Variants in CDC7 observed in about 807,000 individuals in gnomAD.
CDC7 encodes the protein cell division cycle 7-related protein kinase.
In CDC7, 34 loss-of-function variants were observed where a neutral mutation model predicts 53.5. That is an observed-to-expected ratio of 0.64 (90% CI 0.48 to 0.85). The LOEUF is 0.85. Among genes scored for constraint, CDC7 ranks in the 40% least tolerant of loss-of-function variants. The pLI is 0.00. For missense variants in CDC7, 594 were observed against 679.7 expected, an observed-to-expected ratio of 0.87 and a Z score of 1.40; for synonymous variants, 211 against 222.8, an observed-to-expected ratio of 0.95 and a Z score of 0.47.
intron 2 of CDC7, among the ~76,000 whole-genome samples, chr1:91,505,898 C>T (rs1571314124): frequency 6.6e-6 from 1 of 152,102 alleles, no homozygotes; most frequent in African/African-American, 2.4e-5. Flanking sequence ...GTTTCTCCTC[C>T]CTTTCACATC....
chr1:91,522,493 G>A (rs1449292894), intron 11 of CDC7, among the ~76,000 whole-genome samples: 1 of 152,090 alleles, frequency 6.6e-6, no homozygotes, highest in African/African-American at 2.4e-5. Flanking sequence ...ATAGTAGTCT[G>A]TAATAAAATA....
At chr1:91,512,402 A>T (rs1373281022) in intron 6 of CDC7, among the ~76,000 whole-genome samples, 1 of 151,916 alleles carries the variant, frequency 6.6e-6, no homozygotes, top group Non-Finnish European at 1.5e-5. Flanking sequence ...ACAGACTTAG[A>T]GTCTAATAAT....
In CDC7 at chr1:91,508,383, C is replaced by G; in HGVS notation, c.321C>G (p.Cys107Trp). ...TAAGAATTGCAGCTGAACTTCAGTGCCTAACAGTGGCTGGGTAGGCAATTT... is the reference window on the plus strand; with the variant it reads ...TAAGAATTGCAGCTGAACTTCAGTGGCTAACAGTGGCTGGGTAGGCAATTT... Reference protein sequence around the residue: ...HPIRIAAELQCLTVAGGQDNV... With the variant: ...HPIRIAAELQWLTVAGGQDNV... The change falls in exon 4 of 12, where the codon TGC (cysteine) becomes TGG (tryptophan). Residue 107 changes from cysteine to tryptophan, a missense_variant. Cys to Trp is a radical substitution (Grantham distance 215). Transcript: ENST00000234626. The G allele has an allele frequency of 6.2e-7, 1 of 1,609,978 alleles. No individual in the cohort carries two copies. The highest frequency in any genetic ancestry group is 8.5e-7 in the Non-Finnish European group (1 of 1,178,260).
intron 1 of CDC7, chr1:91,501,221 G>C (rs1021683861): frequency 6.5e-6 from 1 of 154,046 alleles, no homozygotes; most frequent in African/African-American, 2.4e-5. Flanking sequence ...CCCAGTACTC[G>C]TGGCCAGGGT....
At chr1:91,507,773 T>G (rs1178463983) in intron 2 of CDC7, 81 bp from the exon 3 acceptor site, 1 of 931,250 alleles carries the variant, frequency 1.1e-6, no homozygotes, top group Non-Finnish European at 1.6e-6. Flanking sequence ...TATAATTTAT[T>G]TCATTGAGCT....
At position 91,508,261 on chromosome 1, in the gene CDC7, G is replaced by T; in HGVS notation, c.200-1G>T. ...GAAAAATTTAATAAATTGTTTTACA[G>T]GCACTTTCAGCTCTGTTTATTTGGC... is the stretch of plus-strand genomic sequence containing the variant. On this transcript the variant is annotated splice_acceptor_variant, in intron 3 of 11. Coordinates refer to ENST00000234626, the MANE Select transcript of CDC7 (RefSeq NM_003503.4). LOFTEE classifies it high-confidence loss of function. 6.3e-7 allele frequency: 1 copy of T among 1,580,664 alleles called. No individual in the cohort carries two copies.
chr1:91,503,144 A>G (rs1571310314), intron 2 of CDC7, among the ~76,000 whole-genome samples: 1 of 152,336 alleles, frequency 6.6e-6, no homozygotes, highest in East Asian at 1.9e-4. Context: ...CATCATGTTT[A>G]GGAGAATGCC....
intron 10 of CDC7, among the ~76,000 whole-genome samples, chr1:91,519,522 T>C (rs1323900482): frequency 1.3e-5 from 2 of 152,168 alleles, no homozygotes; most frequent in Non-Finnish European, 2.9e-5. Context: ...AGGATGTGAT[T>C]ATTACACACT....
chr1:91,511,112 A>G (rs1667265046), intron 4 of CDC7, among the ~76,000 whole-genome samples: 1 of 152,004 alleles, frequency 6.6e-6, no homozygotes, highest in Non-Finnish European at 1.5e-5. Context: ...ATTTTTTGGT[A>G]TCTCTATTGT....
chr1:91,507,159 G>GGCTA, intron 2 of CDC7, among the ~76,000 whole-genome samples: 1 of 152,140 alleles, frequency 6.6e-6, no homozygotes, highest in South Asian at 2.1e-4. Context: ...TGCTATATAG[G>GGCTA]GCTAGTAGAG....
chr1:91,519,089 A>G (rs2102393493), intron 10 of CDC7, among the ~76,000 whole-genome samples: 1 of 150,934 alleles, frequency 6.6e-6, no homozygotes, highest in African/African-American at 2.4e-5. Context: ...ATGAATTAAG[A>G]CCTAGTATTT....
intron 4 of CDC7, 151 bp downstream of exon 4, chr1:91,508,548 G>A (rs1667109223): frequency 1.8e-6 from 1 of 566,102 alleles, no homozygotes; most frequent in South Asian, 2.9e-5. Flanking sequence ...TTCTAACCTT[G>A]CAATAGTTAG....
At chr1:91,501,546 G>C (rs1406108708) in intron 1 of CDC7, 108 bp from the exon 2 acceptor site, 1 of 636,804 alleles carries the variant, frequency 1.6e-6, no homozygotes, top group Non-Finnish European at 2.8e-6. Flanking sequence ...TGGAGGTTTG[G>C]ACACATCGTG....
chr1:91,516,184 C>T (rs568107077), intron 10 of CDC7, among the ~76,000 whole-genome samples: 13 of 151,822 alleles, frequency 8.6e-5, no homozygotes, highest in African/African-American at 3.1e-4. Flanking sequence ...TGGAATTTTG[C>T]TGACATCACC....
chr1:91,511,817 G>T lies in CDC7; in HGVS notation c.466G>T (p.Glu156Ter), dbSNP rs1302686335. Residue 156 changes from glutamate (E) to a stop codon, truncating the protein, a stop_gained, in exon 6 of 12, where the codon GAA becomes TAA. Transcript: ENST00000234626. LOFTEE classifies it high-confidence loss of function. ...TTCTCTTTCCTTTCAAGAAGTACGGGAATATATGCTTAATCTGTTCAAAGC... is the reference window on the plus strand; with the variant it reads ...TTCTCTTTCCTTTCAAGAAGTACGGTAATATATGCTTAATCTGTTCAAAGC... ...LNSLSFQEVR[E>*]YMLNLFKALK... is the part of the protein sequence containing the mutation. 6.2e-7 allele frequency: 1 copy of T among 1,606,988 alleles called. No individual in the cohort carries two copies. Among genetic ancestry groups the T allele is most frequent in the South Asian group, 1.1e-5 (1 of 90,468 alleles).
chr1:91,513,109 A>G lies in CDC7; in HGVS notation c.624A>G (p.Ile208Met), dbSNP rs34979509. ...CCCAAGGAACCCATGATACGAAAAT[A>G]GAGCTTCTTAAATTTGTCCAGTCTG... ...GLAQGTHDTK[I>M]ELLKFVQSEA... The change falls in exon 7 of 12, where the codon ATA becomes ATG. Residue 208 changes from isoleucine to methionine, a missense_variant. Coordinates refer to ENST00000234626, the MANE Select transcript of CDC7 (RefSeq NM_003503.4). 5,091 of 1,613,452 alleles carry G rather than the reference A, an allele frequency of 3.2e-3. 12 individuals carry two copies. The highest frequency in any genetic ancestry group is 3.7e-3 in the Non-Finnish European group (4,366 of 1,179,488).
At chr1:91,501,620 G>T in intron 1 of CDC7, 34 bp from the exon 2 acceptor site, 1 of 866,764 alleles carries the variant, frequency 1.2e-6, no homozygotes, top group Non-Finnish European at 1.9e-6. Flanking sequence ...TTTAGCGAGT[G>T]ATCTAAATTT....
At chr1:91,518,810 A>G (rs907336354) in intron 10 of CDC7, among the ~76,000 whole-genome samples, 1 of 152,194 alleles carries the variant, frequency 6.6e-6, no homozygotes, top group Admixed American at 6.5e-5. Flanking sequence ...TGAATTATCC[A>G]GCACTTTGGG....
chr1:91,507,517 C>T (rs1667054396), intron 2 of CDC7, among the ~76,000 whole-genome samples: 1 of 152,074 alleles, frequency 6.6e-6, no homozygotes, highest in African/African-American at 2.4e-5. Flanking sequence ...CTTGTCATGC[C>T]ATCTAGTGAT....
Sources: gnomAD v4.1 joint callset for allele counts (sites outside exome capture counted in the v4.1 genomes callset) on GRCh38, gnomAD v4.1.1 for gene constraint, MANE v1.5 for transcripts, NCBI Gene and HGNC (gene_info 2026-07-23, HGNC 2026-07-21) for gene names.